Variants in CFTR observed in about 807,000 individuals in gnomAD.
CFTR encodes the protein cystic fibrosis transmembrane conductance regulator.
CFTR carries 181 observed loss-of-function variants against 171.6 expected under a neutral mutation model. The ratio of observed to expected loss-of-function variants is 1.05; its 90% CI spans 0.93 to 1.19. The LOEUF is 1.19. Among genes scored for constraint, CFTR ranks in the 50% most tolerant of loss-of-function variants. The pLI is 0.00. For synonymous variants in CFTR, 583 were observed against 608.0 expected, an observed-to-expected ratio of 0.96 and a Z score of 0.60; for missense variants, 1,968 against 1,734.7, an observed-to-expected ratio of 1.13 and a Z score of -2.39.
At chr7:117,616,208 T>C (rs1792487168) in intron 21 of CFTR, 1 of 145,264 alleles carries the variant, frequency 6.9e-6, no homozygotes, top group African/African-American at 2.6e-5. Context: ...ACATGATTTA[T>C]ACTAAAGTTG....
At chr7:117,520,785 A>G (rs1017771650) in intron 3 of CFTR, among the ~76,000 whole-genome samples, 6 of 151,948 alleles carry the variant, frequency 3.9e-5, no homozygotes, top group African/African-American at 1.4e-4. Flanking sequence ...TGATTCAACA[A>G]ATATTTGTTG....
At chr7:117,496,360 A>T (rs1201101745) in intron 1 of CFTR, among the ~76,000 whole-genome samples, 1 of 151,978 alleles carries the variant, frequency 6.6e-6, no homozygotes, top group Non-Finnish European at 1.5e-5. Flanking sequence ...CTTGCACCAC[A>T]TGACTGTCTA....
At chr7:117,557,064 C>T (rs568640013) in intron 10 of CFTR, among the ~76,000 whole-genome samples, 1 of 151,718 alleles carries the variant, frequency 6.6e-6, no homozygotes, top group East Asian at 1.9e-4. Context: ...TTTTAAAAAG[C>T]TGTGCATTTT....
At chr7:117,548,563 A>G (rs1318932915) in intron 9 of CFTR, 78 bp from the exon 10 acceptor site, 5 of 1,561,078 alleles carry the variant, frequency 3.2e-6, no homozygotes, top group Non-Finnish European at 4.3e-6. Context: ...ACATAAAACA[A>G]GCATCTATTG....
chr7:117,539,864 A>G (rs928854256), intron 7 of CFTR, among the ~76,000 whole-genome samples: 1 of 151,734 alleles, frequency 6.6e-6, no homozygotes, highest in African/African-American at 2.4e-5. Context: ...AATAATATTT[A>G]CAAGTACTAC....
intron 24 of CFTR, among the ~76,000 whole-genome samples, chr7:117,654,744 C>A (rs1420170624): frequency 6.6e-6 from 1 of 152,200 alleles, no homozygotes; most frequent in Non-Finnish European, 1.5e-5. Context: ...AACCTCTTTT[C>A]TTTATAAATT....
intron 2 of CFTR, among the ~76,000 whole-genome samples, chr7:117,504,756 T>TAAA (rs372341779): frequency 0.02 from 2,388 of 121,040 alleles, 32 homozygotes; most frequent in Middle Eastern, 0.035. Context: ...CCTCTCTCTC[T>TAAA]AAAAAAAAAA....
At chr7:117,517,098 G>C (rs945599921) in intron 3 of CFTR, among the ~76,000 whole-genome samples, 1 of 151,972 alleles carries the variant, frequency 6.6e-6, no homozygotes, top group African/African-American at 2.4e-5. Flanking sequence ...GGCAACTTAC[G>C]GAATGGGAGA....
chr7:117,667,249 A>ATCC lies in CFTR; in HGVS notation c.*141_*142insTCC. On this transcript the variant is annotated 3_prime_UTR_variant, in exon 27 of 27. Coordinates refer to ENST00000003084, the MANE Select transcript of CFTR (RefSeq NM_000492.4). ...TGAATTAAGTTTTTTTTTAAAAAAG[A>ATCC]AACATTTGGTAAGGGGAATTGAGGA... 2 of 799,826 alleles carry ATCC rather than the reference A, an allele frequency of 2.5e-6. No homozygotes were observed. The highest frequency in any genetic ancestry group is 4.1e-5 in the Admixed American group (2 of 49,152). 49.5% of individuals were successfully genotyped at this position (799,826 alleles called of 1,614,324 possible).
chr7:117,571,539 C>T (rs1185787264), intron 11 of CFTR, among the ~76,000 whole-genome samples: 4 of 152,082 alleles, frequency 2.6e-5, no homozygotes, highest in Non-Finnish European at 4.4e-5. Flanking sequence ...ATTTGAGAGA[C>T]TCTCAAATCT....
intron 11 of CFTR, among the ~76,000 whole-genome samples, chr7:117,574,752 T>C (rs1368696308): frequency 6.6e-6 from 1 of 152,134 alleles, no homozygotes; most frequent in Non-Finnish European, 1.5e-5. Flanking sequence ...TTCCAATCCA[T>C]TCCCATAAAT....
chr7:117,640,327 G>A (rs910083422), intron 22 of CFTR, among the ~76,000 whole-genome samples: 1 of 152,128 alleles, frequency 6.6e-6, no homozygotes, highest in Non-Finnish European at 1.5e-5. Flanking sequence ...GCAGTTCAAT[G>A]ATATAAGGAA....
intron 19 of CFTR, 118 bp downstream of exon 19, chr7:117,610,787 A>C: frequency 9.3e-7 from 1 of 1,074,324 alleles, no homozygotes; most frequent in Non-Finnish European, 1.4e-6. Flanking sequence ...ATCATATAAC[A>C]ATAATTTTTT....
chr7:117,486,607 A>G (rs1461633116), intron 1 of CFTR, among the ~76,000 whole-genome samples: 2 of 151,994 alleles, frequency 1.3e-5, no homozygotes, highest in African/African-American at 2.4e-5. Context: ...ATAAGTAAGC[A>G]TGGCACCTTC....
rs1800092 is a variant in CFTR at position 117,559,589 on chromosome 7, C to A, written c.1518C>A (p.Ile506=). The change falls in exon 11 of 27, where the codon ATC becomes ATA. Residue 506 remains isoleucine (I), a synonymous_variant. Coordinates refer to ENST00000003084, the MANE Select transcript of CFTR (RefSeq NM_000492.4). ...TGCCTGGCACCATTAAAGAAAATAT[C>A]ATCTTTGGTGTTTCCTATGATGAAT... ...WIMPGTIKEN[I]IFGVSYDEYR... 21 of 1,611,892 alleles carry A rather than the reference C, an allele frequency of 1.3e-5. No individual in the cohort carries two copies. The highest frequency in any genetic ancestry group is 8.0e-5 in the African/African-American group (6 of 74,978).
intron 17 of CFTR, among the ~76,000 whole-genome samples, chr7:117,605,536 C>T (rs1393794558): frequency 6.6e-6 from 1 of 151,952 alleles, no homozygotes; most frequent in East Asian, 1.9e-4. Flanking sequence ...GTCATTATAA[C>T]AGAGGTGCAA....
At chr7:117,659,482 A>G (rs147037851) in intron 24 of CFTR, among the ~76,000 whole-genome samples, 264 of 152,322 alleles carry the variant, frequency 1.7e-3, no homozygotes, top group African/African-American at 6.0e-3. Flanking sequence ...GTAATAGATC[A>G]TGGAAATAGC....
chr7:117,497,793 A>T (rs549368668), intron 1 of CFTR, among the ~76,000 whole-genome samples: 1 of 152,268 alleles, frequency 6.6e-6, no homozygotes, highest in South Asian at 2.1e-4. Flanking sequence ...AAGTTAGAAC[A>T]TATTTGGCCA....
At chr7:117,586,791 C>T (rs866590324) in intron 11 of CFTR, among the ~76,000 whole-genome samples, 4 of 149,944 alleles carry the variant, frequency 2.7e-5, no homozygotes, top group Admixed American at 6.6e-5. Context: ...TTTTTTAAGG[C>T]GAGAGTTTAC....
Sources: gnomAD v4.1 joint callset for allele counts (sites outside exome capture counted in the v4.1 genomes callset) on GRCh38, gnomAD v4.1.1 for gene constraint, MANE v1.5 for transcripts, NCBI Gene and HGNC (gene_info 2026-07-23, HGNC 2026-07-21) for gene names.